The following TRIO variants were observed in gnomAD, a reference collection of about 807,000 sequenced individuals.
TRIO encodes trio Rho guanine nucleotide exchange factor, also known as triple functional domain protein.
In TRIO, 58 loss-of-function variants were observed where a neutral mutation model predicts 351.9. That is an observed-to-expected ratio of 0.16 (90% confidence interval 0.13 to 0.21). TRIO has a LOEUF of 0.21. Among genes scored for constraint, TRIO ranks in the 10% least tolerant of loss-of-function variants. The probability of loss-of-function intolerance (pLI) is 1.00; values close to 1 mark genes in which losing one functional copy is unlikely to be tolerated. For synonymous variants in TRIO, 1,758 were observed against 1,595.7 expected (o/e 1.10, Z -2.42); for missense variants, 3,201 against 4,027.8 (o/e 0.79, Z 5.56).
intron 1 of TRIO, among the ~76,000 whole-genome samples, chr5:14,259,638 T>C (rs1325813746): frequency 6.6e-6 from 1 of 152,210 alleles, no homozygotes; most frequent in East Asian, 1.9e-4. Flanking sequence ...CCTGAGACAG[T>C]TGGACAGGTA....
rs1167626123 is a variant in TRIO, at chr5:14,388,629, C to G, written c.3898C>G (p.Leu1300Val). 1 of 1,613,138 alleles carries G rather than the reference C, an allele frequency of 6.2e-7. No homozygotes were observed. Among genetic ancestry groups the G allele is most frequent in the Non-Finnish European group, 8.5e-7 (1 of 1,179,914 alleles). The change falls in exon 24 of 57, where the codon CTC becomes GTC. Residue 1300 changes from leucine (L) to valine (V), a missense_variant. Leu to Val is a conservative substitution (Grantham distance 32). Around this residue, in one of 19 missense-constraint regions of TRIO, gnomAD observed 115 missense variants for 239.6 expected, o/e 0.48. Coordinates refer to ENST00000344204, the MANE Select transcript of TRIO (RefSeq NM_007118.4). ...CTCTTTAAGGTTCATAATGGCTGAG[C>G]TCATTCAAACTGAAAAGGCTTATGT... The part of the protein sequence containing the change: ...ARRKEFIMAE[L>V]IQTEKAYVRD...
intron 31 of TRIO, among the ~76,000 whole-genome samples, chr5:14,404,032 G>GGTGAGGGTGTAGGTT (rs1748485121): frequency 7.4e-6 from 1 of 135,392 alleles, no homozygotes; most frequent in Non-Finnish European, 1.6e-5. Flanking sequence ...TGTAGGTTGT[G>GGTGAGGGTGTAGGTT]GTGGTGAGGG....
intron 31 of TRIO, among the ~76,000 whole-genome samples, chr5:14,403,466 C>T (rs111206297): frequency 8.4e-4 from 34 of 40,518 alleles, no homozygotes; most frequent in Middle Eastern, 0.026. Context: ...GGTGAGGGTG[C>T]AGGTTGTGGT....
intron 1 of TRIO, among the ~76,000 whole-genome samples, chr5:14,255,580 T>C (rs1388025420): frequency 2.0e-5 from 3 of 152,188 alleles, no homozygotes; most frequent in African/African-American, 7.2e-5. Flanking sequence ...GCACCAGAAG[T>C]GTTTTGGATT....
chr5:14,413,620 T>C (rs1350824797), intron 33 of TRIO, among the ~76,000 whole-genome samples: 1 of 152,230 alleles, frequency 6.6e-6, no homozygotes, highest in Non-Finnish European at 1.5e-5. Context: ...TTTTAAGTTC[T>C]CTCATAAAAC....
chr5:14,497,483 TG>T lies in TRIO; in HGVS notation c.8020-363del, dbSNP rs2126679111. ...TCCTATAATCGGATTGCCTGACACC[TG>T]CGGTGGGGGTTGCCTGGAGAAAAAG... On this transcript the variant is annotated intron_variant, in intron 50 of 56. Coordinates refer to ENST00000344204, the MANE Select transcript of TRIO (RefSeq NM_007118.4). The surrounding 1 kb of genome is among the most constrained non-coding windows in gnomAD (Gnocchi z 4.4). Among the ~76,000 whole-genome samples, 1 of 152,268 alleles carries T rather than the reference TG, an allele frequency of 6.6e-6. No homozygotes were observed. Among genetic ancestry groups the T allele is most frequent in the East Asian group, 1.9e-4 (1 of 5,164 alleles).
chr5:14,311,247 G>A (rs868149896), intron 8 of TRIO, among the ~76,000 whole-genome samples: 1 of 152,158 alleles, frequency 6.6e-6, no homozygotes, highest in South Asian at 2.1e-4. Context: ...TGCTCCAGAC[G>A]TTTCCTGTTT....
intron 10 of TRIO, among the ~76,000 whole-genome samples, chr5:14,332,685 T>C (rs1741010145): frequency 6.6e-6 from 1 of 152,222 alleles, no homozygotes; most frequent in African/African-American, 2.4e-5. Flanking sequence ...AATTTTTCCT[T>C]ATTAAAAATA....
At chr5:14,386,907 C>T (rs1268767186) in intron 21 of TRIO, among the ~76,000 whole-genome samples, 6 of 152,310 alleles carry the variant, frequency 3.9e-5, no homozygotes, top group Non-Finnish European at 7.4e-5. Flanking sequence ...GCAATCAACA[C>T]GACACAGAGG....
chr5:14,355,404 C>T (rs1160790676), intron 11 of TRIO, among the ~76,000 whole-genome samples: 7 of 152,186 alleles, frequency 4.6e-5, no homozygotes, highest in African/African-American at 1.2e-4. Flanking sequence ...GTGAAGCCCT[C>T]TGCTGTGTCC....
At chr5:14,449,972 A>C (rs1752729604) in intron 34 of TRIO, among the ~76,000 whole-genome samples, 1 of 152,254 alleles carries the variant, frequency 6.6e-6, no homozygotes. Context: ...CTGATAGATT[A>C]GCATTCCCCT....
At chr5:14,325,056 A>G (rs1561342510) in intron 9 of TRIO, among the ~76,000 whole-genome samples, 2 of 152,232 alleles carry the variant, frequency 1.3e-5, no homozygotes, top group Non-Finnish European at 2.9e-5. Flanking sequence ...CAGTCATTCA[A>G]TAAATAGAGC....
At position 14,481,287 on chromosome 5, in the gene TRIO, A is replaced by G; in HGVS notation, c.6387+3A>G. On this transcript the variant is annotated splice_donor_region_variant and intron_variant, in intron 44 of 56. Coordinates refer to ENST00000344204, the MANE Select transcript of TRIO (RefSeq NM_007118.4). ...GCCTGGATACATCAGAATTAGAGGTACATGCATCAGCGGCTGTGGGCACCC... is the reference window on the plus strand; with the variant it reads ...GCCTGGATACATCAGAATTAGAGGTGCATGCATCAGCGGCTGTGGGCACCC... 1 of 1,613,762 alleles carries G rather than the reference A, an allele frequency of 6.2e-7. No homozygotes were observed. Among genetic ancestry groups the G allele is most frequent in the Non-Finnish European group, 8.5e-7 (1 of 1,179,914 alleles).
intron 9 of TRIO, among the ~76,000 whole-genome samples, chr5:14,323,517 A>G (rs201425350): frequency 2.6e-5 from 1 of 38,238 alleles, no homozygotes; most frequent in Non-Finnish European, 4.8e-5. Flanking sequence ...GCCACTTAAG[A>G]ACAGAGAGAG....
At chr5:14,271,179 T>TA (rs1389979809) in intron 2 of TRIO, among the ~76,000 whole-genome samples, 1 of 152,156 alleles carries the variant, frequency 6.6e-6, no homozygotes, top group Non-Finnish European at 1.5e-5. Flanking sequence ...ATCAGTTAAG[T>TA]AAAAAAACTG....
At chr5:14,458,689 G>A (rs528508646) in intron 34 of TRIO, among the ~76,000 whole-genome samples, 1 of 152,334 alleles carries the variant, frequency 6.6e-6, no homozygotes, top group African/African-American at 2.4e-5. Context: ...GCAGTGCAGG[G>A]TTCTGCTAGC....
intron 33 of TRIO, among the ~76,000 whole-genome samples, chr5:14,414,718 C>T (rs1749498116): frequency 6.6e-6 from 1 of 151,490 alleles, no homozygotes; most frequent in African/African-American, 2.4e-5. Flanking sequence ...CGGAGCCTAT[C>T]ACAATAGTCC....
At chr5:14,258,346 A>G (rs1795145313) in intron 1 of TRIO, among the ~76,000 whole-genome samples, 1 of 152,172 alleles carries the variant, frequency 6.6e-6, no homozygotes, top group Non-Finnish European at 1.5e-5. Context: ...GGGTACTGGA[A>G]TGATGCTGTA....
chr5:14,176,308 A>G (rs1313985589), intron 1 of TRIO, among the ~76,000 whole-genome samples: 2 of 152,136 alleles, frequency 1.3e-5, no homozygotes, highest in Non-Finnish European at 2.9e-5. Context: ...CGTCTCTACT[A>G]AAAATAAAAA....
Sources: allele counts gnomAD v4.1 joint callset (sites outside exome capture counted in the v4.1 genomes callset), GRCh38; gene constraint gnomAD v4.1.1; regional missense constraint gnomAD v4.1.1; non-coding constraint Gnocchi (gnomAD v3.1); transcripts MANE v1.5; gene names NCBI Gene and HGNC (gene_info 2026-07-23, HGNC 2026-07-21).